The following ZNF609 variants were observed in gnomAD, a reference collection of about 807,000 sequenced individuals.
ZNF609 encodes the protein zinc finger protein 609.
In ZNF609, 11 loss-of-function variants were observed where a neutral mutation model predicts 109.5. That is an observed-to-expected ratio of 0.10 (90% confidence interval 0.06 to 0.17). The LOEUF (loss-of-function observed/expected upper bound fraction) is 0.17, where lower values mean the gene tolerates loss of function less well. ZNF609 is among the 10% of genes least tolerant of loss of function. The pLI is 1.00. For synonymous variants in ZNF609, 646 were observed against 662.0 expected, an observed-to-expected ratio of 0.98 and a Z score of 0.37; for missense variants, 1,559 against 1,772.4, an observed-to-expected ratio of 0.88 and a Z score of 2.16.
intron 2 of ZNF609, among the ~76,000 whole-genome samples, chr15:64,556,501 C>T (rs963856084): frequency 1.3e-5 from 2 of 152,106 alleles, no homozygotes; most frequent in Admixed American, 1.3e-4. Context: ...ATTTAACCCT[C>T]ATGACAATCA....
At chr15:64,621,417 A>T (rs1895874524) in intron 2 of ZNF609, among the ~76,000 whole-genome samples, 1 of 151,766 alleles carries the variant, frequency 6.6e-6, no homozygotes, top group African/African-American at 2.4e-5. Flanking sequence ...TGGTGCAATC[A>T]TAGCTCACTG....
At chr15:64,607,878 TCTTCTTTCTTTTCTTTC>T (rs1895636716) in intron 2 of ZNF609, among the ~76,000 whole-genome samples, 3 of 20,890 alleles carry the variant, frequency 1.4e-4, no homozygotes, top group African/African-American at 2.0e-4. Context: ...TTTCTTTCTT[TCTTCTTTCTTTTCTTTC>T]TTTTTTTTTT....
intron 1 of ZNF609, among the ~76,000 whole-genome samples, chr15:64,495,080 A>G (rs2140347236): frequency 6.8e-6 from 1 of 146,670 alleles, no homozygotes; most frequent in African/African-American, 2.5e-5. Context: ...AAAAAGTGTA[A>G]TGGCAGTATC....
chr15:64,681,590 C>T, intron 9 of ZNF609, 102 bp from the exon 10 acceptor site: 1 of 457,398 alleles, frequency 2.2e-6, no homozygotes, highest in Non-Finnish European at 3.9e-6. Flanking sequence ...CCCTAGGGAC[C>T]AGTACTGGCC....
intron 3 of ZNF609, among the ~76,000 whole-genome samples, chr15:64,641,371 C>G (rs113688837): frequency 0.054 from 8,226 of 151,538 alleles, 745 homozygotes; most frequent in African/African-American, 0.19. Context: ...GCATGCACCA[C>G]CACGCCCGGC....
At chr15:64,537,640 G>A (rs1432006043) in intron 2 of ZNF609, among the ~76,000 whole-genome samples, 1 of 152,132 alleles carries the variant, frequency 6.6e-6, no homozygotes, top group Admixed American at 6.6e-5. Flanking sequence ...ATAAATAAAG[G>A]GGAAATTAAT....
chr15:64,680,591 T>G, intron 7 of ZNF609, 55 bp from the exon 8 acceptor site: 33 of 1,275,514 alleles, frequency 2.6e-5, no homozygotes, highest in African/African-American at 4.6e-5. Flanking sequence ...GTGTGTGTGG[T>G]TGTATGCATA....
chr15:64,471,914 T>C (rs1447994574), intron 1 of ZNF609, among the ~76,000 whole-genome samples: 1 of 148,762 alleles, frequency 6.7e-6, no homozygotes. Flanking sequence ...GTTTTTGTTT[T>C]TGTTTTGTTT....
chr15:64,631,710 T>G, intron 3 of ZNF609: 1 of 219,444 alleles, frequency 4.6e-6, no homozygotes, highest in Non-Finnish European at 9.0e-6. Flanking sequence ...TTTTGTATTT[T>G]TTTTTTTTTT....
At chr15:64,508,266 T>A (rs1035953752) in intron 2 of ZNF609, among the ~76,000 whole-genome samples, 1 of 152,152 alleles carries the variant, frequency 6.6e-6, no homozygotes, top group Non-Finnish European at 1.5e-5. Flanking sequence ...TTTTGGCATC[T>A]GTTGCTCAAG....
chr15:64,616,174 T>G (rs1371295248), intron 2 of ZNF609, among the ~76,000 whole-genome samples: 1 of 152,074 alleles, frequency 6.6e-6, no homozygotes, highest in African/African-American at 2.4e-5. Flanking sequence ...TTTTATTTTT[T>G]GTAAATATAG....
intron 2 of ZNF609, among the ~76,000 whole-genome samples, chr15:64,596,196 C>T (rs544882372): frequency 3.9e-5 from 6 of 152,048 alleles, no homozygotes; most frequent in Admixed American, 3.3e-4. Flanking sequence ...TCTGTTGCCC[C>T]AGGCTAAAGT....
At chr15:64,521,046 G>T (rs1218834673) in intron 2 of ZNF609, among the ~76,000 whole-genome samples, 1 of 151,536 alleles carries the variant, frequency 6.6e-6, no homozygotes, top group African/African-American at 2.4e-5. Context: ...TGTACAGGTG[G>T]GTAGAAAGTC....
intron 4 of ZNF609, among the ~76,000 whole-genome samples, chr15:64,672,962 CAAA>C (rs554300308): frequency 1.2e-4 from 12 of 98,614 alleles, no homozygotes; most frequent in East Asian, 3.1e-4. Flanking sequence ...GACTCCATCT[CAAA>C]AAAAAAAAAA....
At chr15:64,590,621 A>G (rs1365726572) in intron 2 of ZNF609, among the ~76,000 whole-genome samples, 3 of 151,336 alleles carry the variant, frequency 2.0e-5, no homozygotes, top group Admixed American at 6.7e-5. Flanking sequence ...GCCTTCATAT[A>G]TAGAAAATAT....
Position 64,565,232 on chromosome 15 carries a change from G to GTATCATTATTATTAT in ZNF609, c.748-57592_748-57591insCATTATTATTATTAT, listed in dbSNP as rs143606967. Among the ~76,000 whole-genome samples the GTATCATTATTATTAT allele has an allele frequency of 2.9e-5, 4 of 138,736 alleles. No homozygotes were observed. The East Asian group carries it at 8.1e-4, about 28-fold the overall frequency. The allele number at this position is 138,736 out of a possible 152,430, so 91.0% of individuals were successfully genotyped here. On this transcript the variant is annotated intron_variant, in intron 2 of 9. Transcript: ENST00000326648. Reference sequence around the variant, plus strand: ...GTGCCACCATGCCTGGCTAATTTTTGTATTATTATTATTATTATTACTATT... The same window carrying GTATCATTATTATTAT: ...GTGCCACCATGCCTGGCTAATTTTTGTATCATTATTATTATTATTATTATTATTATTATTACTATT...
intron 2 of ZNF609, chr15:64,502,483 T>C (rs1469771641): frequency 6.6e-6 from 1 of 152,146 alleles, no homozygotes; most frequent in African/African-American, 2.4e-5. Context: ...AGGTGCTCAG[T>C]GAGTATTTGA....
chr15:64,608,785 C>G (rs1181233994), intron 2 of ZNF609, among the ~76,000 whole-genome samples: 2 of 151,886 alleles, frequency 1.3e-5, no homozygotes, highest in Non-Finnish European at 2.9e-5. Context: ...GTCCCCCAAG[C>G]TGGAATGCAG....
chr15:64,635,975 T>C (rs1896167613), intron 3 of ZNF609, among the ~76,000 whole-genome samples: 1 of 152,172 alleles, frequency 6.6e-6, no homozygotes. Flanking sequence ...GCATCAACTT[T>C]ATAATTTAGG....
Sources: allele counts gnomAD v4.1 joint callset (sites outside exome capture counted in the v4.1 genomes callset), GRCh38; gene constraint gnomAD v4.1.1; transcripts MANE v1.5; gene names NCBI Gene and HGNC (gene_info 2026-07-23, HGNC 2026-07-21).